The following ZDHHC1 variants were observed in gnomAD, a reference collection of about 807,000 sequenced individuals.
The protein encoded by ZDHHC1 is palmitoyltransferase ZDHHC1.
Under a neutral mutation model 46.9 loss-of-function variants are expected in ZDHHC1, and 45 were observed. That is an observed-to-expected ratio of 0.96 (90% CI 0.76 to 1.23). The LOEUF is 1.23. Among genes scored for constraint, ZDHHC1 ranks in the 50% most tolerant of loss-of-function variants. ZDHHC1 has a pLI of 0.00. For missense variants in ZDHHC1, 649 were observed against 670.8 expected (o/e 0.97, Z 0.36); for synonymous variants, 291 against 286.0 (o/e 1.02, Z -0.18).
At chr16:67,411,382 G>GCTCC (rs1373086742) in intron 1 of ZDHHC1, among the ~76,000 whole-genome samples, 32 of 152,220 alleles carry the variant, frequency 2.1e-4, no homozygotes, top group Non-Finnish European at 3.4e-4. Flanking sequence ...ATCAAAGGAA[G>GCTCC]AGGGCTGAGC....
chr16:67,402,629 A>ATT (rs11402235), intron 3 of ZDHHC1, among the ~76,000 whole-genome samples: 74 of 144,664 alleles, frequency 5.1e-4, no homozygotes, highest in African/African-American at 1.5e-3. Context: ...AAAACATGGA[A>ATT]TTTTTTTTTT....
In ZDHHC1 at chr16:67,398,293, G is replaced by A. The variant is rs773026738; in HGVS notation, c.846C>T (p.Ile282=). ...CCTCCTGTGGTGGGCGGTGCTGCAC[G>A]ATGTACTCATAGGTGGTGAGCTTGT... The part of the protein sequence containing the change: ...MWHKLTTYEY[I]VQHRPPQEAK... Residue 282 remains isoleucine, a synonymous_variant, in exon 8 of 12, where the codon ATC becomes ATT. Coordinates refer to ENST00000565726, the MANE Select transcript of ZDHHC1 (RefSeq NM_001323627.2). 1.1e-5 allele frequency: 18 copies of A among 1,613,890 alleles called. No homozygotes were observed. The highest frequency in any genetic ancestry group is 1.6e-4 in the Middle Eastern group (1 of 6,084).
At chr16:67,403,301 G>GT (rs775460346) in intron 3 of ZDHHC1, among the ~76,000 whole-genome samples, 27 of 152,306 alleles carry the variant, frequency 1.8e-4, no homozygotes, top group Non-Finnish European at 3.7e-4. Context: ...ATGTTTAAAT[G>GT]TTAAGGAAAT....
rs183549458 is a variant in ZDHHC1, at chr16:67,395,178, C to T, written c.1104+9G>A. The T allele has an allele frequency of 3.1e-6, 5 of 1,612,874 alleles. No individual in the cohort carries two copies. The highest frequency in any genetic ancestry group is 1.7e-5 in the Admixed American group (1 of 60,002). On this transcript the variant is annotated intron_variant, in intron 10 of 11. Transcript: ENST00000565726. ...ACCTGGACCGGAGGCCCAGCACAGT[C>T]CCTCCTACCTGGGGTCGGATCCGGG...
At chr16:67,399,477 G>A in intron 4 of ZDHHC1, 21 bp from the exon 5 acceptor site, 1 of 1,594,934 alleles carries the variant, frequency 6.3e-7, no homozygotes, top group Non-Finnish European at 8.6e-7. Context: ...AGGGGGCACA[G>A]CGCGATTGGC....
chr16:67,399,047 A>T, intron 5 of ZDHHC1, 103 bp from the exon 6 acceptor site: 4 of 1,438,862 alleles, frequency 2.8e-6, no homozygotes, highest in African/African-American at 1.4e-5. Context: ...CAGAGGGCTG[A>T]GGGTGACCCC....
chr16:67,414,904 A>G (rs1436874742), intron 1 of ZDHHC1, among the ~76,000 whole-genome samples: 1 of 152,258 alleles, frequency 6.6e-6, no homozygotes, highest in Non-Finnish European at 1.5e-5. Flanking sequence ...TGGGAGGCCA[A>G]GGTGGCTGGA....
intron 9 of ZDHHC1, 28 bp from the exon 10 acceptor site, chr16:67,395,308 G>T (rs1384386631): frequency 2.0e-6 from 3 of 1,506,534 alleles, no homozygotes; most frequent in Non-Finnish European, 2.7e-6. Flanking sequence ...GGGTAAGCCT[G>T]GGGCCTGTTC....
intron 1 of ZDHHC1, among the ~76,000 whole-genome samples, chr16:67,414,904 AG>A (rs1242828883): frequency 1.6e-4 from 25 of 152,376 alleles, no homozygotes; most frequent in Non-Finnish European, 8.8e-5. Flanking sequence ...TGGGAGGCCA[AG>A]GTGGCTGGAT....
chr16:67,403,675 T>C (rs1436713703), intron 3 of ZDHHC1, among the ~76,000 whole-genome samples: 1 of 152,016 alleles, frequency 6.6e-6, no homozygotes, highest in East Asian at 1.9e-4. Context: ...AATGGCGCTA[T>C]CTCGGCTCAC....
At chr16:67,395,696 GC>G in intron 8 of ZDHHC1, 130 bp from the exon 9 acceptor site, 2 of 904,670 alleles carry the variant, frequency 2.2e-6, no homozygotes, top group Non-Finnish European at 3.4e-6. Flanking sequence ...CAGGCTCCCA[GC>G]CATGCTGGGA....
At chr16:67,415,358 CTGAGGCGGGAGGATCGCT>C (rs2040816812) in intron 1 of ZDHHC1, among the ~76,000 whole-genome samples, 1 of 152,096 alleles carries the variant, frequency 6.6e-6, no homozygotes, top group African/African-American at 2.4e-5. Flanking sequence ...ACTTGGGAGG[CTGAGGCGGGAGGATCGCT>C]TGAGCCCGGG....
At chr16:67,412,562 C>G (rs985912505) in intron 1 of ZDHHC1, among the ~76,000 whole-genome samples, 1 of 152,190 alleles carries the variant, frequency 6.6e-6, no homozygotes, top group Non-Finnish European at 1.5e-5. Flanking sequence ...GGAAAAGCCA[C>G]AGAACTTCCT....
intron 3 of ZDHHC1, among the ~76,000 whole-genome samples, chr16:67,404,935 C>T (rs905514928): frequency 7.9e-5 from 12 of 152,192 alleles, no homozygotes; most frequent in Admixed American, 1.3e-4. Flanking sequence ...GGGAGGAACC[C>T]AGGTGATCCC....
At position 67,415,408 on chromosome 16, in the gene ZDHHC1, A is replaced by G. The variant is rs577500737; in HGVS notation, c.-39+763T>C. ...CGGGAGCCGGAGCCTGCGGTGACCC[A>G]TGTTCACACCACAGCACTCCAGCCT... On this transcript the variant is annotated intron_variant, in intron 1 of 11. Transcript: ENST00000565726. Among the ~76,000 whole-genome samples, 78 of 151,402 alleles carry G rather than the reference A, an allele frequency of 5.2e-4. 1 individual carries two copies. Among genetic ancestry groups the G allele is most frequent in the Non-Finnish European group, 7.2e-4 (49 of 67,852 alleles).
At position 67,401,091 on chromosome 16, in the gene ZDHHC1, CAGGTGCACCACA is replaced by C; in HGVS notation, c.282_293del (p.Val95_Leu98del). On this transcript the variant is annotated inframe_deletion, in exon 4 of 12. Coordinates refer to ENST00000565726, the MANE Select transcript of ZDHHC1 (RefSeq NM_001323627.2). The surrounding 1 kb of genome is among the most constrained non-coding windows in gnomAD (Gnocchi z 4.6). Reference sequence around the variant, plus strand: ...CTGCTGGATCGATGGAGACGGCGGTCAGGTGCACCACAAGGTGGCCAGCAAAGATGGCGCCCA... The same window carrying C: ...CTGCTGGATCGATGGAGACGGCGGTCAGGTGGCCAGCAAAGATGGCGCCCA... The C allele has an allele frequency of 6.2e-7, 1 of 1,614,046 alleles. No individual in the cohort carries two copies. Among genetic ancestry groups the C allele is most frequent in the East Asian group, 2.2e-5 (1 of 44,890 alleles).
intron 1 of ZDHHC1, among the ~76,000 whole-genome samples, chr16:67,408,050 C>T (rs2040693397): frequency 6.6e-6 from 1 of 152,228 alleles, no homozygotes; most frequent in African/African-American, 2.4e-5. Context: ...GAGCCTCCTG[C>T]AGGCCAAGCC....
At chr16:67,400,771 T>G (rs2040536220) in intron 4 of ZDHHC1, among the ~76,000 whole-genome samples, 186 bp downstream of exon 4, 1 of 152,180 alleles carries the variant, frequency 6.6e-6, no homozygotes, top group African/African-American at 2.4e-5. Flanking sequence ...CTACTGATCT[T>G]CTGTTTCCAA....
chr16:67,399,429 G>A lies in ZDHHC1; in HGVS notation c.456C>T (p.Ala152=), dbSNP rs1253763319. 5.0e-6 allele frequency: 8 copies of A among 1,613,224 alleles called. No homozygotes were observed. The highest frequency in any genetic ancestry group is 1.7e-5 in the Admixed American group (1 of 60,022). Residue 152 remains alanine (A), a synonymous_variant, in exon 5 of 12, where the codon GCC becomes GCT. Coordinates refer to ENST00000565726, the MANE Select transcript of ZDHHC1 (RefSeq NM_001323627.2). ...CGAAACCGCACACGCACTTGTTGCAGGCGCTGCAGTGCTTGGAGCGAGCGC... is the reference window on the plus strand; with the variant it reads ...CGAAACCGCACACGCACTTGTTGCAAGCGCTGCAGTGCTTGGAGCGAGCGC... ...DVSARSKHCS[A]CNKCVCGFDH... is the part of the protein sequence containing the mutation.
Sources: allele counts gnomAD v4.1 joint callset (sites outside exome capture counted in the v4.1 genomes callset), GRCh38; gene constraint gnomAD v4.1.1; non-coding constraint Gnocchi (gnomAD v3.1); transcripts MANE v1.5; gene names NCBI Gene and HGNC (gene_info 2026-07-23, HGNC 2026-07-21).